DAD1: variants seen among roughly 807,000 people sequenced by gnomAD.
DAD1 encodes defender against cell death 1.
In DAD1, 4 loss-of-function variants were observed where a neutral mutation model predicts 9.0. That is an observed-to-expected ratio of 0.44 (90% CI 0.22 to 1.01). DAD1 has a LOEUF of 1.01. DAD1 is among the 50% of genes least tolerant of loss of function. The probability of loss-of-function intolerance (pLI) is 0.24; values close to 1 mark genes in which losing one functional copy is unlikely to be tolerated. For missense variants in DAD1, 119 were observed against 137.3 expected, an observed-to-expected ratio of 0.87 and a Z score of 0.67; for synonymous variants, 60 against 62.5, an observed-to-expected ratio of 0.96 and a Z score of 0.19.
At chr14:22,578,729 T>A (rs983680714) in intron 1 of DAD1, among the ~76,000 whole-genome samples, 2 of 152,216 alleles carry the variant, frequency 1.3e-5, no homozygotes, top group Non-Finnish European at 2.9e-5. Context: ...GTCCTGCATC[T>A]TGATCTGGAT....
intron 2 of DAD1, among the ~76,000 whole-genome samples, chr14:22,568,957 C>A (rs1160622830): frequency 6.6e-6 from 1 of 152,180 alleles, no homozygotes; most frequent in Non-Finnish European, 1.5e-5. Context: ...CCTTGGCCTC[C>A]CCAAGTGCTG....
chr14:22,565,991 G>A (rs2037000004), intron 2 of DAD1, among the ~76,000 whole-genome samples: 1 of 152,188 alleles, frequency 6.6e-6, no homozygotes, highest in South Asian at 2.1e-4. Flanking sequence ...AGAAGAACCG[G>A]GCTGCCCCAG....
intron 2 of DAD1, among the ~76,000 whole-genome samples, chr14:22,570,747 A>T (rs2037033118): frequency 6.6e-6 from 1 of 152,238 alleles, no homozygotes; most frequent in Admixed American, 6.5e-5. Context: ...CTAGGATCAA[A>T]CACTGAATTT....
At chr14:22,568,527 A>G (rs2037016065) in intron 2 of DAD1, among the ~76,000 whole-genome samples, 1 of 152,202 alleles carries the variant, frequency 6.6e-6, no homozygotes, top group Non-Finnish European at 1.5e-5. Context: ...CTCAAACACA[A>G]AAGAACCATC....
chr14:22,581,368 T>C (rs774760470), intron 1 of DAD1, among the ~76,000 whole-genome samples: 9 of 152,136 alleles, frequency 5.9e-5, no homozygotes, highest in African/African-American at 1.4e-4. Context: ...GACCAATATT[T>C]GAAAGATAAG....
chr14:22,567,955 C>T (rs2037012356), intron 2 of DAD1, among the ~76,000 whole-genome samples: 1 of 152,012 alleles, frequency 6.6e-6, no homozygotes, highest in Admixed American at 6.6e-5. Flanking sequence ...AGTCTGATGG[C>T]TCTGATGAAA....
chr14:22,569,134 A>G (rs923396427), intron 2 of DAD1, among the ~76,000 whole-genome samples: 29 of 152,146 alleles, frequency 1.9e-4, no homozygotes, highest in African/African-American at 5.6e-4. Flanking sequence ...TTTTTCTTGC[A>G]GTTAAAAAGT....
chr14:22,575,708 C>T (rs1248285672), intron 1 of DAD1, among the ~76,000 whole-genome samples: 2 of 152,114 alleles, frequency 1.3e-5, no homozygotes, highest in Non-Finnish European at 2.9e-5. Context: ...CCACCATGCC[C>T]GGCTAATTTT....
chr14:22,584,418 G>A (rs2037138822), intron 1 of DAD1, among the ~76,000 whole-genome samples: 1 of 152,040 alleles, frequency 6.6e-6, no homozygotes, highest in Non-Finnish European at 1.5e-5. Flanking sequence ...TCAGGGAAGG[G>A]TTCCAAAGGG....
intron 2 of DAD1, among the ~76,000 whole-genome samples, chr14:22,574,185 G>C (rs2037061885): frequency 6.6e-6 from 1 of 152,174 alleles, no homozygotes; most frequent in South Asian, 2.1e-4. Flanking sequence ...GCTAGACTAG[G>C]GCACTTCACT....
intron 1 of DAD1, among the ~76,000 whole-genome samples, chr14:22,587,621 A>C (rs1024598533): frequency 1.3e-5 from 2 of 152,228 alleles, no homozygotes; most frequent in African/African-American, 4.8e-5. Flanking sequence ...TACACAAGTC[A>C]TTAGATCCTC....
At position 22,571,930 on chromosome 14, in the gene DAD1, A is replaced by G. The variant is rs566967061; in HGVS notation, c.*44+3129T>C. ...CAGGCATCAGCCACCGTGCTCAGCCATCCTAGCCAGGCTCTCTCAACTTCA... is the reference window on the plus strand; with the variant it reads ...CAGGCATCAGCCACCGTGCTCAGCCGTCCTAGCCAGGCTCTCTCAACTTCA... On this transcript the variant is annotated intron_variant, in intron 2 of 2. Transcript: ENST00000250498. 2.0e-5 allele frequency among the ~76,000 whole-genome samples: 3 copies of G among 152,294 alleles called. No individual in the cohort carries two copies. In the East Asian group the frequency reaches 5.8e-4, roughly 29 times the overall value.
chr14:22,568,684 C>T (rs1413629672), intron 2 of DAD1, among the ~76,000 whole-genome samples: 1 of 146,772 alleles, frequency 6.8e-6, no homozygotes, highest in Admixed American at 6.8e-5. Context: ...GCCTACAATA[C>T]AAGTCTTCTG....
chr14:22,588,932 TTA>T lies in DAD1; in HGVS notation c.211+13_211+14del, dbSNP rs1566376193. On this transcript the variant is annotated intron_variant, in intron 1 of 2. Coordinates refer to ENST00000250498, the MANE Select transcript of DAD1 (RefSeq NM_001344.4). ...AGTAACACATTATTATTATGATCAC[TTA>T]TAGAACCATTACCCGCTAGGATGAA... 6.2e-7 allele frequency: 1 copy of T among 1,613,358 alleles called. No individual in the cohort carries two copies.
chr14:22,586,303 T>C (rs1274114090), intron 1 of DAD1, among the ~76,000 whole-genome samples: 1 of 152,032 alleles, frequency 6.6e-6, no homozygotes, highest in African/African-American at 2.4e-5. Context: ...CCCAGCACTT[T>C]GGGAGGCAGA....
intron 1 of DAD1, 23 bp from the exon 2 acceptor site, chr14:22,575,256 A>C (rs1183850134): frequency 6.2e-7 from 1 of 1,612,394 alleles, no homozygotes; most frequent in East Asian, 2.2e-5. Flanking sequence ...CAAAACACAA[A>C]AAAATGATTA....
intron 1 of DAD1, among the ~76,000 whole-genome samples, chr14:22,576,462 C>G (rs1259484117): frequency 2.6e-5 from 4 of 151,928 alleles, no homozygotes; most frequent in Admixed American, 6.6e-5. Flanking sequence ...AAAATTAACT[C>G]GAAACGGATC....
chr14:22,570,691 CAG>C (rs1409339002), intron 2 of DAD1, among the ~76,000 whole-genome samples: 2 of 152,202 alleles, frequency 1.3e-5, no homozygotes, highest in African/African-American at 4.8e-5. Context: ...TGCTGCCAGT[CAG>C]AGTTTAAAAT....
intron 1 of DAD1, among the ~76,000 whole-genome samples, chr14:22,577,451 G>A (rs552130964): frequency 6.6e-6 from 1 of 152,200 alleles, no homozygotes; most frequent in African/African-American, 2.4e-5. Context: ...TGGGAGGGTG[G>A]GGGATGGAAC....
Sources: gnomAD v4.1 joint callset for allele counts (sites outside exome capture counted in the v4.1 genomes callset) on GRCh38, gnomAD v4.1.1 for gene constraint, MANE v1.5 for transcripts, NCBI Gene and HGNC (gene_info 2026-07-23, HGNC 2026-07-21) for gene names.